OSBPL9: variants seen among roughly 807,000 people sequenced by gnomAD.
OSBPL9 encodes oxysterol binding protein like 9.
In OSBPL9, 40 loss-of-function variants were observed where a neutral mutation model predicts 106.6. That is an observed-to-expected ratio of 0.38 (90% CI 0.29 to 0.49). OSBPL9 has a LOEUF of 0.49. Ranked by LOEUF, OSBPL9 falls within the 20% of genes least tolerant of loss-of-function variation. The probability of loss-of-function intolerance (pLI) is 0.97; values close to 1 mark genes in which losing one functional copy is unlikely to be tolerated. For synonymous variants in OSBPL9, 269 were observed against 295.4 expected (o/e 0.91, Z 0.92); for missense variants, 609 against 887.2 (o/e 0.69, Z 3.98).
intron 1 of OSBPL9, among the ~76,000 whole-genome samples, chr1:51,585,056 C>G (rs994980292): frequency 6.6e-6 from 1 of 152,062 alleles, no homozygotes; most frequent in Non-Finnish European, 1.5e-5. Context: ...CACCTATAGT[C>G]TCAGCTACTC....
chr1:51,630,713 A>G (rs945112639), intron 1 of OSBPL9, among the ~76,000 whole-genome samples: 4 of 152,320 alleles, frequency 2.6e-5, no homozygotes, highest in East Asian at 3.9e-4. Context: ...TCTTTCTTCA[A>G]TAAATTAACC....
At position 51,785,983 on chromosome 1, in the gene OSBPL9, T is replaced by C. The variant is rs79911055; in HGVS notation, c.1908+97T>C. On this transcript the variant is annotated intron_variant, in intron 21 of 23. Transcript: ENST00000428468. ...TCATTAGTACTTCCTTCATAATGCA[T>C]TTCCTTCTACAGTATATTAGAGCTG... 3,521 of 1,036,352 alleles carry C rather than the reference T, an allele frequency of 3.4e-3. 82 individuals are homozygous for C. In the African/African-American group the frequency reaches 0.051, roughly 15 times the overall value. The allele number at this position is 1,036,352 out of a possible 1,614,324, so 64.2% of individuals were successfully genotyped here.
At chr1:51,580,927 TATATATATATATATATATATATATATAAC>T (rs1263204087) in intron 1 of OSBPL9, among the ~76,000 whole-genome samples, 4 of 1,604 alleles carry the variant, frequency 2.5e-3, no homozygotes, top group Admixed American at 0.014. Context: ...TATATATATA[TATATATATATATATATATATATATATAAC>T]TTTTTTGAAA....
intron 12 of OSBPL9, among the ~76,000 whole-genome samples, chr1:51,767,537 G>C (rs1232796715): frequency 6.6e-6 from 1 of 152,120 alleles, no homozygotes; most frequent in Non-Finnish European, 1.5e-5. Flanking sequence ...TGTTACTATA[G>C]CTAGGGTTTT....
chr1:51,768,771 A>T (rs1210614832), intron 12 of OSBPL9, among the ~76,000 whole-genome samples: 1 of 152,228 alleles, frequency 6.6e-6, no homozygotes, highest in Non-Finnish European at 1.5e-5. Context: ...AGTCATGCAC[A>T]GGCTCATGGG....
chr1:51,671,397 A>G (rs984298485), intron 3 of OSBPL9, among the ~76,000 whole-genome samples: 1 of 152,212 alleles, frequency 6.6e-6, no homozygotes, highest in African/African-American at 2.4e-5. Context: ...TTTTTATTGA[A>G]TACACCAGTT....
the OSBPL9 span, chr1:51,519,150 G>T: frequency 1.5e-6 from 2 of 1,352,354 alleles, no homozygotes; most frequent in Non-Finnish European, 2.0e-6. Flanking sequence ...GGGCGGTGGG[G>T]GAGGGGGCAC....
intron 22 of OSBPL9, 84 bp downstream of exon 22, chr1:51,786,701 A>G: frequency 9.3e-7 from 1 of 1,073,940 alleles, no homozygotes. Flanking sequence ...TTTGAGAGAC[A>G]GTAGGGCAGA....
intron 6 of OSBPL9, among the ~76,000 whole-genome samples, chr1:51,747,553 CTTTTTTTT>C (rs746109312): frequency 7.1e-5 from 3 of 42,384 alleles, no homozygotes; most frequent in Non-Finnish European, 1.5e-4. Flanking sequence ...CTCTCCTTGG[CTTTTTTTT>C]TTTTTTTTTT....
intron 1 of OSBPL9, among the ~76,000 whole-genome samples, chr1:51,597,441 G>A (rs965575520): frequency 1.7e-4 from 26 of 150,416 alleles, no homozygotes; most frequent in Non-Finnish European, 3.1e-4. Flanking sequence ...GTGTGTGTGT[G>A]TGTGTGTGTG....
At chr1:51,523,647 G>A in the OSBPL9 span, among the ~76,000 whole-genome samples, 1 of 152,034 alleles carries the variant, frequency 6.6e-6, no homozygotes, top group African/African-American at 2.4e-5. Flanking sequence ...TTTTGCCCTT[G>A]AACATGGGAA....
intron 3 of OSBPL9, among the ~76,000 whole-genome samples, chr1:51,672,882 A>G (rs1650237034): frequency 6.6e-6 from 1 of 152,238 alleles, no homozygotes; most frequent in African/African-American, 2.4e-5. Flanking sequence ...TTTACTAAAC[A>G]AGTTTTAAAT....
At chr1:51,618,391 A>G (rs1338095433) in intron 1 of OSBPL9, among the ~76,000 whole-genome samples, 1 of 152,210 alleles carries the variant, frequency 6.6e-6, no homozygotes, top group Non-Finnish European at 1.5e-5. Context: ...TATTAGGGAG[A>G]TAACTTACTT....
chr1:51,558,750 A>G, the OSBPL9 span, among the ~76,000 whole-genome samples: 13 of 152,154 alleles, frequency 8.5e-5, no homozygotes, highest in African/African-American at 3.1e-4. Flanking sequence ...TGAGCTCTGC[A>G]TTTATTAAAC....
chr1:51,632,376 G>A (rs1342387038), intron 1 of OSBPL9, among the ~76,000 whole-genome samples: 1 of 152,052 alleles, frequency 6.6e-6, no homozygotes, highest in Non-Finnish European at 1.5e-5. Flanking sequence ...TATTTCCTTT[G>A]AACAGTGAAG....
At chr1:51,781,088 C>A in intron 15 of OSBPL9, 76 bp from the exon 16 acceptor site, 2 of 1,431,892 alleles carry the variant, frequency 1.4e-6, no homozygotes, top group Non-Finnish European at 1.9e-6. Context: ...CTTAGGTGGA[C>A]CATGCTGGGG....
the OSBPL9 span, among the ~76,000 whole-genome samples, chr1:51,540,398 T>G: frequency 2.0e-5 from 3 of 152,050 alleles, no homozygotes; most frequent in Non-Finnish European, 4.4e-5. Context: ...GGTTCATGCC[T>G]GTAATCCCAG....
the OSBPL9 span, among the ~76,000 whole-genome samples, chr1:51,549,774 A>C: frequency 6.6e-6 from 1 of 152,248 alleles, no homozygotes; most frequent in Non-Finnish European, 1.5e-5. Context: ...TGGAGGTTAC[A>C]GTAAGCTGAG....
rs1259934421 is a variant in OSBPL9 at position 51,714,094 on chromosome 1, A to G, written c.318+15A>G. Reference sequence around the variant, plus strand: ...TCCAGCTTCAAGTAAGGGTCTTTACATGGTTTCCAGATAGTTCATTAGTTG... The same window carrying G: ...TCCAGCTTCAAGTAAGGGTCTTTACGTGGTTTCCAGATAGTTCATTAGTTG... On this transcript the variant is annotated intron_variant, in intron 4 of 23. Coordinates refer to ENST00000428468, the MANE Select transcript of OSBPL9 (RefSeq NM_024586.6). The G allele has an allele frequency of 3.8e-6, 6 of 1,585,180 alleles. No homozygotes were observed. Among genetic ancestry groups the G allele is most frequent in the Non-Finnish European group, 4.3e-6 (5 of 1,161,260 alleles).
Sources: gnomAD v4.1 joint callset for allele counts (sites outside exome capture counted in the v4.1 genomes callset) on GRCh38, gnomAD v4.1.1 for gene constraint, MANE v1.5 for transcripts, NCBI Gene and HGNC (gene_info 2026-07-23, HGNC 2026-07-21) for gene names.